RIMS2: variants seen among roughly 807,000 people sequenced by gnomAD.
RIMS2 encodes regulating synaptic membrane exocytosis 2, also known as regulating synaptic membrane exocytosis protein 2.
RIMS2 carries 59 observed loss-of-function variants against 174.4 expected under a neutral mutation model. That is an observed-to-expected ratio of 0.34 (90% CI 0.27 to 0.42). The LOEUF (loss-of-function observed/expected upper bound fraction) is 0.42, where lower values mean the gene tolerates loss of function less well. RIMS2 is among the 10% of genes least tolerant of loss of function. The pLI is 1.00. For synonymous variants in RIMS2, 606 were observed against 572.5 expected (o/e 1.06, Z -0.84); for missense variants, 1,620 against 1,666.3 (o/e 0.97, Z 0.48).
At chr8:104,029,613 AGGTT>A (rs1420629521) in intron 19 of RIMS2, among the ~76,000 whole-genome samples, 1 of 152,162 alleles carries the variant, frequency 6.6e-6, no homozygotes, top group Non-Finnish European at 1.5e-5. Context: ...CTAATTTCAA[AGGTT>A]TATTTTTTCC....
chr8:103,929,988 G>A (rs2079578922), intron 11 of RIMS2, among the ~76,000 whole-genome samples: 1 of 151,732 alleles, frequency 6.6e-6, no homozygotes, highest in Non-Finnish European at 1.5e-5. Flanking sequence ...GGTGAGAAGT[G>A]GGCCCCAGGA....
intron 3 of RIMS2, among the ~76,000 whole-genome samples, chr8:103,789,040 GC>G (rs1343197141): frequency 6.6e-6 from 1 of 151,602 alleles, no homozygotes; most frequent in African/African-American, 2.4e-5. Context: ...TTTTCCAGGT[GC>G]CGTCCGTCAC....
chr8:103,778,098 A>G (rs2098338659), intron 3 of RIMS2, among the ~76,000 whole-genome samples: 1 of 152,058 alleles, frequency 6.6e-6, no homozygotes, highest in Non-Finnish European at 1.5e-5. Context: ...AAATGGAGTG[A>G]CATGAAAAGT....
At chr8:103,507,560 G>A (rs906903350) in intron 1 of RIMS2, among the ~76,000 whole-genome samples, 4 of 151,966 alleles carry the variant, frequency 2.6e-5, no homozygotes, top group African/African-American at 9.7e-5. Context: ...AAAAAGATTT[G>A]CTTATGTAGT....
intron 2 of RIMS2, among the ~76,000 whole-genome samples, chr8:103,735,799 CG>C (rs1009485892): frequency 5.3e-5 from 8 of 152,062 alleles, no homozygotes; most frequent in African/African-American, 1.9e-4. Context: ...CTGGGAGAGA[CG>C]TTTTTTTGTT....
At chr8:103,935,284 C>G (rs1702804052) in intron 12 of RIMS2, among the ~76,000 whole-genome samples, 1 of 152,092 alleles carries the variant, frequency 6.6e-6, no homozygotes, top group Non-Finnish European at 1.5e-5. Context: ...ATTTTTCTGC[C>G]AATGCCTTCG....
At chr8:104,021,287 A>G (rs975164575) in intron 19 of RIMS2, among the ~76,000 whole-genome samples, 1 of 152,176 alleles carries the variant, frequency 6.6e-6, no homozygotes, top group Admixed American at 6.5e-5. Flanking sequence ...TTAAAAGATA[A>G]TGTAACAAAA....
At position 103,865,659 on chromosome 8, in the gene RIMS2, T is replaced by A. The variant is rs2099081426; in HGVS notation, c.699-19639T>A. Among the ~76,000 whole-genome samples the A allele has an allele frequency of 2.6e-5, 4 of 152,302 alleles. No homozygotes were observed. In the South Asian group the frequency reaches 6.2e-4, roughly 24 times the overall value. ...TTAATGTATTTAAATATGATGTCTT[T>A]AAATTCATTAATATAAATTCATAAA... On this transcript the variant is annotated intron_variant, in intron 3 of 23. Coordinates refer to ENST00000504942, the Ensembl canonical transcript of RIMS2.
chr8:103,624,087 A>G (rs2095714068), intron 1 of RIMS2, among the ~76,000 whole-genome samples: 3 of 152,162 alleles, frequency 2.0e-5, no homozygotes, highest in Admixed American at 2.0e-4. Context: ...AAAACCCACA[A>G]ACAAAACCCA....
intron 19 of RIMS2, among the ~76,000 whole-genome samples, chr8:104,027,001 G>C (rs2154555753): frequency 6.6e-6 from 1 of 152,256 alleles, no homozygotes; most frequent in African/African-American, 2.4e-5. Context: ...AAATTAATAT[G>C]AGAGAGATTC....
At chr8:103,810,259 A>C (rs560310901) in intron 3 of RIMS2, among the ~76,000 whole-genome samples, 16 of 152,246 alleles carry the variant, frequency 1.1e-4, no homozygotes, top group African/African-American at 3.6e-4. Context: ...CAATTGTATT[A>C]GTTCTAGTGG....
chr8:104,063,258 G>A (rs2097038184), intron 19 of RIMS2, among the ~76,000 whole-genome samples: 1 of 151,938 alleles, frequency 6.6e-6, no homozygotes, highest in African/African-American at 2.4e-5. Flanking sequence ...AAGTGCAAAT[G>A]TTTAATGATC....
chr8:104,189,445 T>C (rs1259945356), intron 19 of RIMS2, among the ~76,000 whole-genome samples: 1 of 151,792 alleles, frequency 6.6e-6, no homozygotes, highest in Non-Finnish European at 1.5e-5. Flanking sequence ...TCTGTTACTC[T>C]CTTACTGTGT....
intron 3 of RIMS2, among the ~76,000 whole-genome samples, chr8:103,841,225 G>C (rs1409484775): frequency 6.6e-6 from 1 of 152,048 alleles, no homozygotes; most frequent in Non-Finnish European, 1.5e-5. Context: ...ATTTTTATCA[G>C]GAAATTAATT....
At chr8:104,029,411 G>T (rs553680600) in intron 19 of RIMS2, among the ~76,000 whole-genome samples, 1 of 152,196 alleles carries the variant, frequency 6.6e-6, no homozygotes, top group African/African-American at 2.4e-5. Context: ...AAAGTTATAG[G>T]CCTAGTTAAT....
At chr8:104,245,138 C>A in intron 20 of RIMS2, 81 bp downstream of exon 26, 1 of 1,388,302 alleles carries the variant, frequency 7.2e-7, no homozygotes, top group Non-Finnish European at 1.0e-6. Flanking sequence ...GATTTTCCAA[C>A]TCTCATGCTC....
intron 2 of RIMS2, among the ~76,000 whole-genome samples, chr8:103,713,958 T>A (rs2097339047): frequency 6.6e-6 from 1 of 152,198 alleles, no homozygotes; most frequent in Non-Finnish European, 1.5e-5. Flanking sequence ...CAGTCCACAA[T>A]TCTTACCCAC....
chr8:103,501,023 G>A (rs1161858915), exon 1 of RIMS2: 4 of 1,610,452 alleles, frequency 2.5e-6, no homozygotes, highest in East Asian at 2.2e-5. Context: ...GTCATGGATA[G>A]GCAGAAGAAA....
chr8:104,111,097 TA>T (rs2098172972), intron 19 of RIMS2, among the ~76,000 whole-genome samples: 1 of 152,060 alleles, frequency 6.6e-6, no homozygotes, highest in Non-Finnish European at 1.5e-5. Flanking sequence ...ATATTATCTC[TA>T]AAAAAGCTGA....
Sources: allele counts gnomAD v4.1 joint callset (sites outside exome capture counted in the v4.1 genomes callset), GRCh38; gene constraint gnomAD v4.1.1; transcripts MANE v1.5; gene names NCBI Gene and HGNC (gene_info 2026-07-23, HGNC 2026-07-21).